MLLT10: variants seen among roughly 807,000 people sequenced by gnomAD.
MLLT10 encodes the protein MLLT10 histone lysine methyltransferase DOT1L cofactor.
In MLLT10, 30 loss-of-function variants were observed where a neutral mutation model predicts 129.1. The ratio of observed to expected loss-of-function variants is 0.23; its 90% CI spans 0.17 to 0.32. The LOEUF (loss-of-function observed/expected upper bound fraction) is 0.32, where lower values mean the gene tolerates loss of function less well. Among genes scored for constraint, MLLT10 ranks in the 10% least tolerant of loss-of-function variants. MLLT10 has a pLI of 1.00. For missense variants in MLLT10, 1,119 were observed against 1,268.3 expected (o/e 0.88, Z 1.79); for synonymous variants, 490 against 446.4 (o/e 1.10, Z -1.23).
intron 14 of MLLT10, among the ~76,000 whole-genome samples, chr10:21,718,002 G>A (rs935256856): frequency 1.3e-5 from 2 of 149,350 alleles, no homozygotes; most frequent in South Asian, 2.1e-4. Context: ...CCGCCACCAC[G>A]CCTGGCTAAT....
At chr10:21,706,432 G>A (rs963885093) in intron 13 of MLLT10, among the ~76,000 whole-genome samples, 8 of 152,204 alleles carry the variant, frequency 5.3e-5, no homozygotes, top group African/African-American at 1.9e-4. Flanking sequence ...ATATGAGGTT[G>A]TGTGAGGTTA....
rs554255486 is a variant in MLLT10, at chr10:21,537,641, A to G, written c.161-1192A>G. 4.3e-3 allele frequency among the ~76,000 whole-genome samples: 644 copies of G among 151,200 alleles called. 3 individuals carry two copies. Among genetic ancestry groups the G allele is most frequent in the Non-Finnish European group, 7.0e-3 (475 of 67,688 alleles). ...CACCATGCCCAGCTAATTTTTAAAA[A>G]AATTTTTAGTAGAGATGGGGTTTCA... On this transcript the variant is annotated intron_variant, in intron 2 of 22. Transcript: ENST00000307729.
At chr10:21,586,762 C>T (rs2131095718) in intron 4 of MLLT10, among the ~76,000 whole-genome samples, 1 of 152,138 alleles carries the variant, frequency 6.6e-6, no homozygotes, top group East Asian at 1.9e-4. Flanking sequence ...TGGTGCCTGC[C>T]TGTAGTCCCA....
rs762247992 is a variant in MLLT10, at chr10:21,726,359, A to C, written c.1990+4A>C. 2 of 1,587,102 alleles carry C rather than the reference A, an allele frequency of 1.3e-6. No individual in the cohort carries two copies. The highest frequency in any genetic ancestry group is 3.4e-5 in the Admixed American group (2 of 59,452). ...CAGTCTGAAAACAATCAAACAGGTA[A>C]GTTTTCAAGAATTACTAACTCTAAA... is the stretch of plus-strand genomic sequence containing the variant. On this transcript the variant is annotated splice_donor_region_variant and intron_variant, in intron 15 of 22. Transcript: ENST00000307729.
chr10:21,623,675 A>G (rs982856909), intron 8 of MLLT10, among the ~76,000 whole-genome samples: 1 of 152,266 alleles, frequency 6.6e-6, no homozygotes. Flanking sequence ...ATCTTTAATA[A>G]GGAAGTCATT....
At chr10:21,678,855 C>T (rs2052455594) in intron 11 of MLLT10, among the ~76,000 whole-genome samples, 1 of 152,168 alleles carries the variant, frequency 6.6e-6, no homozygotes, top group Admixed American at 6.5e-5. Context: ...ATCCTTGGAA[C>T]AGCCTTGTGA....
chr10:21,639,983 A>G (rs2047826881), intron 8 of MLLT10, among the ~76,000 whole-genome samples: 1 of 151,792 alleles, frequency 6.6e-6, no homozygotes, highest in African/African-American at 2.4e-5. Flanking sequence ...ATTATAACAA[A>G]GGACTGTCAT....
At chr10:21,678,791 C>T (rs757233377) in intron 11 of MLLT10, among the ~76,000 whole-genome samples, 4 of 152,126 alleles carry the variant, frequency 2.6e-5, no homozygotes, top group Non-Finnish European at 5.9e-5. Context: ...AATATAATCT[C>T]TTATTTGAGT....
chr10:21,598,313 A>G (rs1352539450), intron 5 of MLLT10, among the ~76,000 whole-genome samples: 1 of 152,042 alleles, frequency 6.6e-6, no homozygotes, highest in East Asian at 1.9e-4. Flanking sequence ...GTGTCTTTTG[A>G]CCTATCATTT....
At chr10:21,674,998 A>G (rs1486386386) in intron 11 of MLLT10, among the ~76,000 whole-genome samples, 13 of 152,124 alleles carry the variant, frequency 8.5e-5, no homozygotes, top group Non-Finnish European at 1.9e-4. Flanking sequence ...AATAAGAAAG[A>G]CCAGTCCAAG....
At position 21,534,306 on chromosome 10, in the gene MLLT10, G is replaced by GGCCC; in HGVS notation, c.-215_-214insGCCC. ...CCTCGCTGCCCCTGGCCCAGCGGGA[G>GGCCC]CCCCCCCTCCCCCCAGTGCGCCTGT... On this transcript the variant is annotated 5_prime_UTR_variant, in exon 1 of 23. Transcript: ENST00000307729. The GGCCC allele has an allele frequency of 2.1e-5, 7 of 328,432 alleles. No homozygotes were observed. The highest frequency in any genetic ancestry group is 5.4e-5 in the Admixed American group (1 of 18,450). 20.3% of individuals were successfully genotyped at this position (328,432 alleles called of 1,614,324 possible).
chr10:21,656,570 T>G (rs1048487807), intron 9 of MLLT10, among the ~76,000 whole-genome samples: 1 of 152,232 alleles, frequency 6.6e-6, no homozygotes, highest in African/African-American at 2.4e-5. Flanking sequence ...TAGATTATAC[T>G]GCCTTATATT....
At chr10:21,678,279 A>G (rs1246042391) in intron 11 of MLLT10, among the ~76,000 whole-genome samples, 2 of 151,776 alleles carry the variant, frequency 1.3e-5, no homozygotes, top group East Asian at 3.9e-4. Context: ...TAATTTTTGT[A>G]TTTTTAATAG....
At chr10:21,661,035 TTTC>T (rs1205270249) in intron 9 of MLLT10, among the ~76,000 whole-genome samples, 1 of 152,216 alleles carries the variant, frequency 6.6e-6, no homozygotes, top group Non-Finnish European at 1.5e-5. Context: ...TCTCTTTATA[TTTC>T]TTCTTTTACT....
chr10:21,671,544 A>G (rs977295375), intron 10 of MLLT10, among the ~76,000 whole-genome samples: 6 of 152,086 alleles, frequency 3.9e-5, no homozygotes, highest in African/African-American at 1.4e-4. Flanking sequence ...TCCCAGTATT[A>G]TGAGGCTCAG....
intron 6 of MLLT10, among the ~76,000 whole-genome samples, chr10:21,613,171 C>G (rs555229841): frequency 1.6e-5 from 2 of 122,322 alleles, no homozygotes; most frequent in African/African-American, 6.5e-5. Flanking sequence ...TCCAGCCTGG[C>G]GACAAACCAA....
chr10:21,618,234 C>T (rs932402873), intron 8 of MLLT10, among the ~76,000 whole-genome samples: 7 of 151,784 alleles, frequency 4.6e-5, no homozygotes, highest in African/African-American at 9.7e-5. Context: ...TTGGGCTGGG[C>T]GTGGTGGCTC....
At chr10:21,639,652 A>T (rs1289753384) in intron 8 of MLLT10, among the ~76,000 whole-genome samples, 1 of 152,056 alleles carries the variant, frequency 6.6e-6, no homozygotes, top group African/African-American at 2.4e-5. Context: ...TAGAAATGTG[A>T]TTGGACAAAG....
At chr10:21,707,446 C>T (rs1304812774) in intron 13 of MLLT10, among the ~76,000 whole-genome samples, 2 of 152,108 alleles carry the variant, frequency 1.3e-5, no homozygotes, top group African/African-American at 2.4e-5. Flanking sequence ...CCGTCTCGGC[C>T]TCCCAAAGTG....
Sources: gnomAD v4.1 joint callset for allele counts (sites outside exome capture counted in the v4.1 genomes callset) on GRCh38, gnomAD v4.1.1 for gene constraint, MANE v1.5 for transcripts, NCBI Gene and HGNC (gene_info 2026-07-23, HGNC 2026-07-21) for gene names.